The following PRPF3 variants were observed in gnomAD, a reference collection of about 807,000 sequenced individuals.
The protein encoded by PRPF3 is pre-mRNA processing factor 3.
A neutral mutation model predicts 89.2 loss-of-function variants in PRPF3; 3 were observed. The observed-to-expected ratio is 0.03, with a 90% CI of 0.02 to 0.09. PRPF3 has a LOEUF of 0.09. Among genes scored for constraint, PRPF3 ranks in the 10% least tolerant of loss-of-function variants. PRPF3 has a pLI of 1.00. For missense variants in PRPF3, 463 were observed against 828.8 expected (o/e 0.56, Z 5.42); for synonymous variants, 270 against 289.1 (o/e 0.93, Z 0.67).
intron 15 of PRPF3, among the ~76,000 whole-genome samples, chr1:150,350,587 C>A (rs1242918645): frequency 2.0e-5 from 3 of 152,086 alleles, no homozygotes; most frequent in Non-Finnish European, 2.9e-5. Flanking sequence ...TTAATGAATT[C>A]TTTATTATAA....
At chr1:150,341,236 ATGT>A (rs1335405922) in intron 9 of PRPF3, among the ~76,000 whole-genome samples, 4 of 151,864 alleles carry the variant, frequency 2.6e-5, no homozygotes, top group East Asian at 1.9e-4. Flanking sequence ...ATAGAACCAC[ATGT>A]TGTTGTGGCA....
intron 1 of PRPF3, among the ~76,000 whole-genome samples, chr1:150,321,936 T>TAAGG (rs1288890615): frequency 1.3e-5 from 2 of 151,542 alleles, no homozygotes; most frequent in African/African-American, 2.4e-5. Context: ...GAGCACGGAG[T>TAAGG]AAGGAATTCC....
At chr1:150,349,130 A>T in intron 14 of PRPF3, 27 bp from the exon 15 acceptor site, 2 of 1,594,998 alleles carry the variant, frequency 1.3e-6, no homozygotes, top group Non-Finnish European at 1.7e-6. Flanking sequence ...TCTCAAGTCT[A>T]AGTCTGTAAC....
At chr1:150,349,346 T>C in intron 15 of PRPF3, 128 bp downstream of exon 15, 5 of 797,118 alleles carry the variant, frequency 6.3e-6, no homozygotes, top group Non-Finnish European at 1.1e-5. Flanking sequence ...TGTTTCTTTT[T>C]GGAATCCATT....
intron 8 of PRPF3, 106 bp downstream of exon 8, chr1:150,338,432 G>C (rs1206736629): frequency 2.7e-6 from 3 of 1,112,516 alleles, no homozygotes; most frequent in Non-Finnish European, 4.0e-6. Context: ...GGGAAGGATG[G>C]TACTCATTCA....
chr1:150,339,193 C>G (rs1348098586), intron 8 of PRPF3, among the ~76,000 whole-genome samples: 1 of 149,690 alleles, frequency 6.7e-6, no homozygotes, highest in Non-Finnish European at 1.5e-5. Context: ...ATGGTGAGAC[C>G]TCGTTTCTAC....
At chr1:150,338,129 A>G (rs371300215) in intron 7 of PRPF3, 31 bp from the exon 8 acceptor site, 24 of 1,607,358 alleles carry the variant, frequency 1.5e-5, no homozygotes, top group Non-Finnish European at 2.0e-5. Flanking sequence ...ACTCCAATTT[A>G]TCTTTCTGTC....
chr1:150,345,005 CA>C (rs1182880036), intron 12 of PRPF3, among the ~76,000 whole-genome samples: 5 of 151,822 alleles, frequency 3.3e-5, no homozygotes, highest in African/African-American at 1.2e-4. Flanking sequence ...ATCCTCACTC[CA>C]AAATGCATTT....
chr1:150,333,268 T>C, intron 6 of PRPF3, 69 bp downstream of exon 6: 1 of 1,529,542 alleles, frequency 6.5e-7, no homozygotes, highest in Admixed American at 1.8e-5. Flanking sequence ...CCTTTGAATG[T>C]TACTGATCTG....
At position 150,343,415 on chromosome 1, in the gene PRPF3, A is replaced by T; in HGVS notation, c.1389A>T (p.Lys463Asn). 1 of 1,604,678 alleles carries T rather than the reference A, an allele frequency of 6.2e-7. No individual in the cohort carries two copies. The highest frequency in any genetic ancestry group is 8.5e-7 in the Non-Finnish European group (1 of 1,173,360). Residue 463 changes from lysine to asparagine, a missense_variant, in exon 10 of 16, where the codon AAA becomes AAT. This residue lies in a region of PRPF3 where 261 missense variants were observed against 475.8 expected (regional missense o/e 0.55). Transcript: ENST00000324862. ...AAGCACAGAAGGAACTACAAGAAAA[A>T]GTCAGGCTGGGCCTGATGCCTCCTC... ...RREAQKELQE[K>N]VRLGLMPPPE...
Position 150,343,246 on chromosome 1 carries a change from A to T in PRPF3, c.1283-63A>T, listed in dbSNP as rs587654594. 3.4e-3 allele frequency: 1,358 copies of T among 399,522 alleles called. 4 individuals are homozygous for T. The highest frequency in any genetic ancestry group is 0.017 in the African/African-American group (488 of 28,858). The allele number at this position is 399,522 out of a possible 1,614,324, so 24.7% of individuals were successfully genotyped here. The stretch of plus-strand genomic sequence containing the variant: ...GACAGAGTGAGAGAGAGAAAAAAAA[A>T]AAATATATATATATATATATGTATT... On this transcript the variant is annotated intron_variant, in intron 9 of 15. Transcript: ENST00000324862.
intron 1 of PRPF3, among the ~76,000 whole-genome samples, chr1:150,323,872 G>A (rs1655392531): frequency 6.7e-6 from 1 of 150,236 alleles, no homozygotes; most frequent in Non-Finnish European, 1.5e-5. Flanking sequence ...TGCTGCCTGG[G>A]TTCAAGTGAT....
chr1:150,338,160 G>T lies in PRPF3; in HGVS notation c.1036G>T (p.Ala346Ser), dbSNP rs1657259175. The T allele has an allele frequency of 6.2e-7, 1 of 1,613,796 alleles. No individual in the cohort carries two copies. The highest frequency in any genetic ancestry group is 1.7e-5 in the Admixed American group (1 of 59,980). Residue 346 changes from alanine (A) to serine (S), a missense_variant and splice_region_variant, in exon 8 of 16, where the codon GCT (alanine) becomes TCT (serine). Around this residue, in one of 8 missense-constraint regions of PRPF3, gnomAD observed 261 missense variants for 475.8 expected, o/e 0.55. Transcript: ENST00000324862. ...CTGTCTTGGATTATCTTGTTTTTAG[G>T]CTCAACTGGAGAAGCTACAGGCAGA... ...EKIAQRLRTK[A>S]QLEKLQAEIS...
intron 8 of PRPF3, among the ~76,000 whole-genome samples, chr1:150,339,035 G>A (rs1009581758): frequency 6.6e-6 from 1 of 151,834 alleles, no homozygotes. Flanking sequence ...TTGTGATAGA[G>A]CAAGGATTAT....
chr1:150,344,322 G>T, intron 11 of PRPF3, 61 bp downstream of exon 11: 1 of 1,613,710 alleles, frequency 6.2e-7, no homozygotes, highest in Non-Finnish European at 8.5e-7. Flanking sequence ...CTCTTCTGGG[G>T]GGTCCATATT....
At position 150,353,043 on chromosome 1, in the gene PRPF3, A is replaced by G. The variant is rs886045263; in HGVS notation, c.*64A>G. 6.6e-5 allele frequency: 105 copies of G among 1,599,572 alleles called. No individual in the cohort carries two copies. The highest frequency in any genetic ancestry group is 4.9e-4 in the South Asian group (44 of 90,662). On this transcript the variant is annotated 3_prime_UTR_variant, in exon 16 of 16. Coordinates refer to ENST00000324862, the MANE Select transcript of PRPF3 (RefSeq NM_004698.4). ...TCTCTTCAGTCCTCTCACTTATTCT[A>G]TTTCCCAACCCCCTCCCACTTGTTT...
At chr1:150,335,982 C>T (rs1339593612) in intron 7 of PRPF3, among the ~76,000 whole-genome samples, 1 of 151,668 alleles carries the variant, frequency 6.6e-6, no homozygotes, top group African/African-American at 2.4e-5. Context: ...GTTGGCCCGG[C>T]TGGTCTTAAA....
At position 150,330,740 on chromosome 1, in the gene PRPF3, G is replaced by A. The variant is rs587639181; in HGVS notation, c.424-1944G>A. ...TTTCTTTCTTTTTTTTTTTTGAGAC[G>A]GAGTCTCACTCTGTCGCCCAGAGTG... On this transcript the variant is annotated intron_variant, in intron 4 of 15. Transcript: ENST00000324862. Among the ~76,000 whole-genome samples the A allele has an allele frequency of 6.3e-5, 9 of 142,796 alleles. No individual in the cohort carries two copies. The East Asian group carries it at 1.7e-3, about 26-fold the overall frequency. 93.7% of individuals were successfully genotyped at this position (142,796 alleles called of 152,430 possible).
At position 150,325,216 on chromosome 1, in the gene PRPF3, A is replaced by G. The variant is rs1655572899; in HGVS notation, c.145+129A>G. The G allele has an allele frequency of 9.5e-6, 10 of 1,052,518 alleles. No individual in the cohort carries two copies. The South Asian group carries it at 1.4e-4, about 15-fold the overall frequency. The allele number at this position is 1,052,518 out of a possible 1,614,324, so 65.2% of individuals were successfully genotyped here. The stretch of plus-strand genomic sequence containing the variant: ...CAGGCCATATTTTATTTTCACCTGT[A>G]TTATAGTGAAAATAGGCTAAATAAT... On this transcript the variant is annotated intron_variant, in intron 2 of 15. Coordinates refer to ENST00000324862, the MANE Select transcript of PRPF3 (RefSeq NM_004698.4).
Sources: allele counts gnomAD v4.1 joint callset (sites outside exome capture counted in the v4.1 genomes callset), GRCh38; gene constraint gnomAD v4.1.1; regional missense constraint gnomAD v4.1.1; transcripts MANE v1.5; gene names NCBI Gene and HGNC (gene_info 2026-07-23, HGNC 2026-07-21).